Variants in PCDH15 observed in about 807,000 individuals in gnomAD.
The protein encoded by PCDH15 is protocadherin-15.
In PCDH15, 129 loss-of-function variants were observed where a neutral mutation model predicts 178.5. The ratio of observed to expected loss-of-function variants is 0.72; its 90% CI spans 0.63 to 0.84. The LOEUF (loss-of-function observed/expected upper bound fraction) is 0.84, where lower values mean the gene tolerates loss of function less well. Ranked by LOEUF, PCDH15 falls within the 40% of genes least tolerant of loss-of-function variation. The probability of loss-of-function intolerance (pLI) is 0.00; values close to 1 mark genes in which losing one functional copy is unlikely to be tolerated. For missense variants in PCDH15, 2,230 were observed against 2,099.9 expected, an observed-to-expected ratio of 1.06 and a Z score of -1.21; for synonymous variants, 800 against 732.0, an observed-to-expected ratio of 1.09 and a Z score of -1.50.
intron 2 of PCDH15, among the ~76,000 whole-genome samples, chr10:55,416,931 T>C (rs1184801713): frequency 2.0e-5 from 3 of 151,758 alleles, no homozygotes; most frequent in African/African-American, 7.3e-5. Flanking sequence ...TGGAGAAACA[T>C]GTTGACACAG....
At chr10:53,886,595 CTTTTTTTTTTTT>C (rs36171553) in intron 26 of PCDH15, among the ~76,000 whole-genome samples, 2 of 72,786 alleles carry the variant, frequency 2.7e-5, no homozygotes, top group East Asian at 9.2e-4. Context: ...ATGTATGCCT[CTTTTTTTTTTTT>C]TTTTTTTTTT....
At chr10:55,585,027 A>C (rs955759012) in intron 2 of PCDH15, among the ~76,000 whole-genome samples, 5 of 151,048 alleles carry the variant, frequency 3.3e-5, no homozygotes, top group African/African-American at 1.2e-4. Flanking sequence ...CAGATAATGG[A>C]GAATTATAAA....
chr10:55,572,585 G>A (rs989891705), intron 2 of PCDH15, among the ~76,000 whole-genome samples: 3 of 152,098 alleles, frequency 2.0e-5, no homozygotes, highest in African/African-American at 7.2e-5. Flanking sequence ...AGTGAGGAGA[G>A]ATAAACAATA....
chr10:54,379,652 T>C lies in PCDH15; in HGVS notation c.158-710A>G, dbSNP rs1350226418. Among the ~76,000 whole-genome samples, 3 of 152,116 alleles carry C rather than the reference T, an allele frequency of 2.0e-5. No individual in the cohort carries two copies. In the East Asian group the frequency reaches 5.8e-4, roughly 29 times the overall value. On this transcript the variant is annotated intron_variant, in intron 3 of 37. Transcript: ENST00000644397. ...TGAAAAGATTATGTCTCTAACCCTT[T>C]CTACTGTGTTAAAGATCCCATGCAT...
chr10:54,132,498 C>G (rs542939007), intron 15 of PCDH15, among the ~76,000 whole-genome samples: 1 of 152,238 alleles, frequency 6.6e-6, no homozygotes, highest in East Asian at 1.9e-4. Context: ...CACAAGACTG[C>G]ATCAAAAATA....
intron 8 of PCDH15, among the ~76,000 whole-genome samples, chr10:54,274,658 C>G (rs1389587246): frequency 3.1e-5 from 4 of 130,618 alleles, no homozygotes; most frequent in Non-Finnish European, 5.1e-5. Context: ...GTGTGTGTGT[C>G]TAAAGTCACC....
chr10:53,978,333 C>T (rs1043911443), intron 21 of PCDH15, among the ~76,000 whole-genome samples: 37 of 152,190 alleles, frequency 2.4e-4, no homozygotes, highest in South Asian at 8.3e-4. Context: ...GCTGGACCAA[C>T]ACCACATGGA....
At chr10:55,261,866 T>G (rs1842152313) in intron 1 of PCDH15, among the ~76,000 whole-genome samples, 1 of 152,106 alleles carries the variant, frequency 6.6e-6, no homozygotes, top group South Asian at 2.1e-4. Flanking sequence ...AGTCAATGAT[T>G]AAAAGCCAAT....
At chr10:54,514,535 CAGTT>C (rs946883915) in intron 3 of PCDH15, among the ~76,000 whole-genome samples, 7 of 151,024 alleles carry the variant, frequency 4.6e-5, no homozygotes, top group African/African-American at 1.7e-4. Context: ...GAGTAGCACA[CAGTT>C]AGTTTTTTTA....
chr10:53,848,282 T>G (rs541154485), intron 28 of PCDH15, among the ~76,000 whole-genome samples: 1 of 151,960 alleles, frequency 6.6e-6, no homozygotes, highest in South Asian at 2.1e-4. Flanking sequence ...AGGAAATAAT[T>G]TTAAAAGAAA....
At chr10:55,359,220 GT>G (rs200779524) in intron 2 of PCDH15, among the ~76,000 whole-genome samples, 61 of 148,292 alleles carry the variant, frequency 4.1e-4, no homozygotes, top group Middle Eastern at 3.4e-3. Context: ...AAATAAATTA[GT>G]TTTTTTTTTA....
chr10:55,428,851 A>AT (rs1176356515), intron 2 of PCDH15, among the ~76,000 whole-genome samples: 8 of 151,584 alleles, frequency 5.3e-5, no homozygotes, highest in Admixed American at 2.0e-4. Flanking sequence ...TTATTGGCTT[A>AT]TTTTTTCATT....
chr10:53,943,237 C>T (rs1357950997), intron 23 of PCDH15, among the ~76,000 whole-genome samples: 3 of 151,838 alleles, frequency 2.0e-5, no homozygotes, highest in Non-Finnish European at 4.4e-5. Flanking sequence ...TCCTGTAATC[C>T]CAGCACTTTT....
At position 55,607,760 on chromosome 10, in the gene PCDH15, A is replaced by AG. The variant is rs1277025161; in HGVS notation, c.-156+19864dup. Among the ~76,000 whole-genome samples, 7 of 85,410 alleles carry AG rather than the reference A, an allele frequency of 8.2e-5. 1 individual carries two copies. The East Asian group carries it at 3.2e-3, about 40-fold the overall frequency. 56.0% of individuals were successfully genotyped at this position (85,410 alleles called of 152,430 possible). A position where few individuals can be genotyped will look rare whatever the true frequency, so the allele number is the denominator to read the frequency against. ...CTGGGGACTGTTGTGGGGTGGGGGG[A>AG]GGGGGGAGGGATAGCATTGGGAGAT... On this transcript the variant is annotated intron_variant, in intron 2 of 5. Coordinates refer to the PCDH15 transcript ENST00000613346.
At position 54,806,317 on chromosome 10, in the gene PCDH15, A is replaced by C. The variant is rs933043356; in HGVS notation, c.-29+91133T>G. Reference sequence around the variant, plus strand: ...ATTTTAGTAGCTTGAAGCAACACACATTTATTATTTCAGTGTGAGTCAGAG... The same window carrying C: ...ATTTTAGTAGCTTGAAGCAACACACCTTTATTATTTCAGTGTGAGTCAGAG... On this transcript the variant is annotated intron_variant, in intron 3 of 5. Transcript: ENST00000458638. 7.2e-5 allele frequency among the ~76,000 whole-genome samples: 11 copies of C among 152,228 alleles called. No homozygotes were observed. The East Asian group carries it at 1.7e-3, about 24-fold the overall frequency.
chr10:55,349,442 C>T (rs1844852278), intron 2 of PCDH15, among the ~76,000 whole-genome samples: 1 of 152,118 alleles, frequency 6.6e-6, no homozygotes, highest in Non-Finnish European at 1.5e-5. Flanking sequence ...GACCATTTTT[C>T]TCTTGCCAGT....
intron 18 of PCDH15, among the ~76,000 whole-genome samples, chr10:54,024,493 G>A (rs778028552): frequency 6.6e-6 from 1 of 152,156 alleles, no homozygotes; most frequent in Non-Finnish European, 1.5e-5. Flanking sequence ...GAATGGGGAT[G>A]CTGAATATTT....
chr10:54,770,064 T>A, intron 1 of PCDH15, among the ~76,000 whole-genome samples: 1 of 152,118 alleles, frequency 6.6e-6, no homozygotes, highest in Middle Eastern at 3.2e-3. Context: ...AATAGCAACA[T>A]GAGCTACCAG....
intron 2 of PCDH15, among the ~76,000 whole-genome samples, chr10:55,607,789 C>T (rs1480443364): frequency 6.9e-6 from 1 of 144,164 alleles, no homozygotes; most frequent in African/African-American, 2.6e-5. Context: ...GGGAGATATA[C>T]CTAATGCTAG....
Sources: allele counts gnomAD v4.1 joint callset (sites outside exome capture counted in the v4.1 genomes callset), GRCh38; gene constraint gnomAD v4.1.1; transcripts MANE v1.5; gene names NCBI Gene and HGNC (gene_info 2026-07-23, HGNC 2026-07-21).